POPDC1: variants seen among roughly 807,000 people sequenced by gnomAD.
The protein encoded by POPDC1 is popeye domain cAMP effector 1.
At chr6:105,112,281 G>A in the POPDC1 span, among the ~76,000 whole-genome samples, 1 of 152,182 alleles carries the variant, frequency 6.6e-6, no homozygotes, top group Non-Finnish European at 1.5e-5. Flanking sequence ...GATGGAAAGG[G>A]AGCCCTGAGG....
the POPDC1 span, among the ~76,000 whole-genome samples, chr6:105,104,507 G>A: frequency 1.3e-5 from 2 of 152,116 alleles, no homozygotes; most frequent in African/African-American, 4.8e-5. Flanking sequence ...ACCTCAGAAA[G>A]GATCCTGAGG....
the POPDC1 span, among the ~76,000 whole-genome samples, chr6:105,101,744 G>A: frequency 6.6e-6 from 1 of 152,112 alleles, no homozygotes; most frequent in Non-Finnish European, 1.5e-5. Context: ...AGGAAGAAAG[G>A]CCAGGCATTC....
chr6:105,107,247 T>A, the POPDC1 span, among the ~76,000 whole-genome samples: 1 of 152,180 alleles, frequency 6.6e-6, no homozygotes, highest in East Asian at 1.9e-4. Flanking sequence ...TCACTTAACA[T>A]AATGAGAGGA....
chr6:105,099,417 T>C, the POPDC1 span: 2 of 152,210 alleles, frequency 1.3e-5, no homozygotes, highest in Non-Finnish European at 2.9e-5. Context: ...TGAGAACAAC[T>C]TCATTTGGAA....
chr6:105,128,445 T>C, the POPDC1 span, among the ~76,000 whole-genome samples: 1 of 152,154 alleles, frequency 6.6e-6, no homozygotes, highest in Non-Finnish European at 1.5e-5. Context: ...ATGAGATGCA[T>C]AGAATAGAAT....
chr6:105,115,602 T>C, the POPDC1 span: 2 of 1,476,988 alleles, frequency 1.4e-6, no homozygotes, highest in African/African-American at 2.8e-5. Flanking sequence ...TGCAAAGTTA[T>C]TTTTCTAATC....
At chr6:105,100,297 C>G in the POPDC1 span, 1 of 151,840 alleles carries the variant, frequency 6.6e-6, no homozygotes, top group Non-Finnish European at 1.5e-5. Flanking sequence ...ATCACGAGGT[C>G]AGGAGATCGA....
At chr6:105,124,612 G>A in the POPDC1 span, 3 of 1,612,552 alleles carry the variant, frequency 1.9e-6, no homozygotes, top group South Asian at 1.1e-5. Context: ...AAGGCACAGG[G>A]GTAAATGTTA....
At chr6:105,113,806 C>G in the POPDC1 span, among the ~76,000 whole-genome samples, 2 of 127,862 alleles carry the variant, frequency 1.6e-5, no homozygotes, top group African/African-American at 5.7e-5. Flanking sequence ...GCCTGCACCA[C>G]GATGCCTGGC....
At chr6:105,129,390 T>C in the POPDC1 span, 26 of 1,609,174 alleles carry the variant, frequency 1.6e-5, no homozygotes, top group Non-Finnish European at 3.4e-6. Flanking sequence ...GGTCTCTTCT[T>C]GTATAAAAGA....
the POPDC1 span, among the ~76,000 whole-genome samples, chr6:105,113,095 T>C: frequency 9.2e-5 from 14 of 152,118 alleles, no homozygotes; most frequent in South Asian, 2.7e-3. Flanking sequence ...CATGCCTGGA[T>C]AATTTTTTTA....
the POPDC1 span, among the ~76,000 whole-genome samples, chr6:105,128,976 A>C: frequency 6.6e-6 from 1 of 152,152 alleles, no homozygotes; most frequent in Non-Finnish European, 1.5e-5. Flanking sequence ...AGAAAAATAT[A>C]CAGTTATTAC....
the POPDC1 span, chr6:105,133,383 A>G: frequency 1.2e-6 from 2 of 1,613,524 alleles, no homozygotes; most frequent in East Asian, 4.5e-5. Context: ...GAAATATCAT[A>G]TGAAGGTGAA....
chr6:105,136,126 C>A, the POPDC1 span: 1 of 151,870 alleles, frequency 6.6e-6, no homozygotes, highest in African/African-American at 2.4e-5. Context: ...AAACGAGCGT[C>A]TTGCTAGTCG....
chr6:105,125,259 A>G, the POPDC1 span: 2 of 1,092,556 alleles, frequency 1.8e-6, no homozygotes, highest in East Asian at 2.4e-5. Context: ...GTAGCAAAAA[A>G]TTCCACCAAC....
chr6:105,104,988 A>C, the POPDC1 span, among the ~76,000 whole-genome samples: 3 of 152,210 alleles, frequency 2.0e-5, no homozygotes, highest in South Asian at 6.2e-4. Flanking sequence ...AGCTAAAACA[A>C]AGACATCCGT....
At chr6:105,132,067 G>A in the POPDC1 span, among the ~76,000 whole-genome samples, 1 of 151,224 alleles carries the variant, frequency 6.6e-6, no homozygotes, top group East Asian at 2.0e-4. Flanking sequence ...CGGGGTTCAA[G>A]CAATTCTCCT....
the POPDC1 span, among the ~76,000 whole-genome samples, chr6:105,118,868 G>A: frequency 1.3e-5 from 2 of 152,064 alleles, no homozygotes; most frequent in Admixed American, 1.3e-4. Flanking sequence ...ATATTAATTA[G>A]TGGTAGAGTG....
the POPDC1 span, among the ~76,000 whole-genome samples, chr6:105,106,722 C>G: frequency 6.6e-6 from 1 of 152,126 alleles, no homozygotes; most frequent in Non-Finnish European, 1.5e-5. Context: ...CCATGGAGGG[C>G]GGGCTTGGGC....
Sources: gnomAD v4.1 joint callset for allele counts (sites outside exome capture counted in the v4.1 genomes callset) on GRCh38, gnomAD v4.1.1 for gene constraint, MANE v1.5 for transcripts, NCBI Gene and HGNC (gene_info 2026-07-23, HGNC 2026-07-21) for gene names.